The following NEMP2 variants were observed in gnomAD, a reference collection of about 807,000 sequenced individuals.
NEMP2 encodes nuclear envelope integral membrane protein 2.
In NEMP2, 53 loss-of-function variants were observed where a neutral mutation model predicts 54.2. The observed-to-expected ratio is 0.98, with a 90% confidence interval of 0.78 to 1.23. The LOEUF is 1.23. Among genes scored for constraint, NEMP2 ranks in the 50% most tolerant of loss-of-function variants. NEMP2 has a pLI of 0.00. For missense variants in NEMP2, 455 were observed against 511.3 expected (o/e 0.89, Z 1.06); for synonymous variants, 197 against 190.3 (o/e 1.04, Z -0.29).
At chr2:190,559,888 AGCTTTGCTC>A in the NEMP2 span, among the ~76,000 whole-genome samples, 1 of 152,176 alleles carries the variant, frequency 6.6e-6, no homozygotes, top group Non-Finnish European at 1.5e-5. This position sits in a 1 kb window ranked among gnomAD's most constrained non-coding sequence, Gnocchi z 4.0. Flanking sequence ...CAGAGTTGCA[AGCTTTGCTC>A]TGGGATTCAG....
At chr2:190,539,983 T>A in the NEMP2 span, among the ~76,000 whole-genome samples, 1 of 152,340 alleles carries the variant, frequency 6.6e-6, no homozygotes, top group South Asian at 2.1e-4. This position sits in a 1 kb window ranked among gnomAD's most constrained non-coding sequence, Gnocchi z 4.1. Flanking sequence ...AAAGTGGACA[T>A]CCTTGTCTTG....
At chr2:190,470,163 A>G in the NEMP2 span, among the ~76,000 whole-genome samples, 1 of 152,356 alleles carries the variant, frequency 6.6e-6, no homozygotes, top group Admixed American at 6.5e-5. Context: ...GGTGGTTTTA[A>G]GATATAAAAA....
At chr2:190,640,440 C>T in the NEMP2 span, among the ~76,000 whole-genome samples, 1 of 151,984 alleles carries the variant, frequency 6.6e-6, no homozygotes, top group African/African-American at 2.4e-5. Context: ...TGGAAAAAAC[C>T]CTTATTCTGC....
At chr2:190,518,058 T>A (rs112532150) in intron 4 of NEMP2, among the ~76,000 whole-genome samples, 3 of 152,154 alleles carry the variant, frequency 2.0e-5, no homozygotes, top group Non-Finnish European at 2.9e-5. Flanking sequence ...AGTTCATGGA[T>A]GACATTAAAC....
the NEMP2 span, among the ~76,000 whole-genome samples, chr2:190,457,111 C>T: frequency 6.6e-6 from 1 of 152,198 alleles, no homozygotes; most frequent in Non-Finnish European, 1.5e-5. The surrounding 1 kb of genome is among the most constrained non-coding windows in gnomAD (Gnocchi z 5.1). Context: ...GGTATTTCCT[C>T]AAGCCCTTGT....
chr2:190,443,873 G>C, the NEMP2 span, among the ~76,000 whole-genome samples: 1 of 152,052 alleles, frequency 6.6e-6, no homozygotes, highest in African/African-American at 2.4e-5. This position sits in a 1 kb window ranked among gnomAD's most constrained non-coding sequence, Gnocchi z 4.2. Flanking sequence ...TGGGCAACAT[G>C]GTGAGACCTT....
chr2:190,493,422 C>T, the NEMP2 span, among the ~76,000 whole-genome samples: 1 of 152,066 alleles, frequency 6.6e-6, no homozygotes, highest in Non-Finnish European at 1.5e-5. Context: ...TATACAGCAA[C>T]ACAATAATAG....
chr2:190,641,613 T>C, the NEMP2 span, among the ~76,000 whole-genome samples: 1 of 152,206 alleles, frequency 6.6e-6, no homozygotes, highest in East Asian at 1.9e-4. Context: ...GGAAGACGGT[T>C]TGAATACATT....
Position 190,514,613 on chromosome 2 carries a change from C to T in NEMP2, c.793G>A (p.Asp265Asn), listed in dbSNP as rs1053351879. 9.0e-6 allele frequency: 14 copies of T among 1,551,546 alleles called. No individual in the cohort carries two copies. The highest frequency in any genetic ancestry group is 1.2e-5 in the South Asian group (1 of 84,056). The stretch of plus-strand genomic sequence containing the variant: ...CACATCAGAAGACTTCTGCTCCTGT[C>T]GTCTGCAAGGGGCCCATGCTTGTAA... ...VCYKHGPLAD[D>N]RSRSLLMWML... is the part of the protein sequence containing the mutation. Residue 265 changes from aspartate (D) to asparagine (N), a missense_variant, in exon 7 of 9, where the codon GAC (aspartate) becomes AAC (asparagine). Physicochemically the swap from Asp to Asn is conservative, Grantham distance 23 (BLOSUM62 1). Around this residue, in one of 3 missense-constraint regions of NEMP2, gnomAD observed 294 missense variants for 333.6 expected, o/e 0.88. Transcript: ENST00000409150. The surrounding 1 kb of genome is among the most constrained non-coding windows in gnomAD (Gnocchi z 5.7).
the NEMP2 span, among the ~76,000 whole-genome samples, chr2:190,554,747 G>A: frequency 3.9e-5 from 6 of 152,340 alleles, no homozygotes; most frequent in Non-Finnish European, 7.3e-5. This position sits in a 1 kb window ranked among gnomAD's most constrained non-coding sequence, Gnocchi z 5.7. Flanking sequence ...AGACTTAAAC[G>A]TCCCTGCCTG....
the NEMP2 span, among the ~76,000 whole-genome samples, chr2:190,554,258 G>A: frequency 6.6e-6 from 1 of 152,174 alleles, no homozygotes; most frequent in Admixed American, 6.5e-5. This position sits in a 1 kb window ranked among gnomAD's most constrained non-coding sequence, Gnocchi z 5.7. Context: ...CTAGCCGCAG[G>A]AGTTTTTTTT....
the NEMP2 span, among the ~76,000 whole-genome samples, chr2:190,578,985 C>A: frequency 6.6e-6 from 1 of 152,090 alleles, no homozygotes; most frequent in Non-Finnish European, 1.5e-5. The surrounding 1 kb of genome is among the most constrained non-coding windows in gnomAD (Gnocchi z 4.4). Flanking sequence ...GGATTTTTAC[C>A]ACACCCTGAT....
the NEMP2 span, among the ~76,000 whole-genome samples, chr2:190,572,463 T>G: frequency 6.6e-6 from 1 of 152,076 alleles, no homozygotes; most frequent in Non-Finnish European, 1.5e-5. Flanking sequence ...AAATTAGTCA[T>G]GTGGCAATAA....
Position 190,529,420 on chromosome 2 carries a change from A to G in NEMP2, c.98-4042T>C, listed in dbSNP as rs561022702. On this transcript the variant is annotated intron_variant, in intron 1 of 8. Coordinates refer to ENST00000409150, the MANE Select transcript of NEMP2 (RefSeq NM_001142645.2). This position sits in a 1 kb window ranked among gnomAD's most constrained non-coding sequence, Gnocchi z 4.7. ...CATAAAGTTTCCTCAGTCTGCTGCA[A>G]CCTTCTTCTCCCAGATCTTGGCAGA... 6.6e-6 allele frequency among the ~76,000 whole-genome samples: 1 copy of G among 152,124 alleles called. No homozygotes were observed. The highest frequency in any genetic ancestry group is 2.4e-5 in the African/African-American group (1 of 41,462).
the NEMP2 span, among the ~76,000 whole-genome samples, chr2:190,631,648 T>C: frequency 6.6e-6 from 1 of 152,236 alleles, no homozygotes; most frequent in African/African-American, 2.4e-5. Flanking sequence ...TATAACCTAA[T>C]CCACAAAACC....
At chr2:190,544,002 A>G in the NEMP2 span, among the ~76,000 whole-genome samples, 2 of 152,238 alleles carry the variant, frequency 1.3e-5, no homozygotes, top group Non-Finnish European at 2.9e-5. Context: ...TAATTAAGTT[A>G]AAAGAAAATG....
chr2:190,614,223 T>A, the NEMP2 span, among the ~76,000 whole-genome samples: 1 of 152,074 alleles, frequency 6.6e-6, no homozygotes, highest in African/African-American at 2.4e-5. This position sits in a 1 kb window ranked among gnomAD's most constrained non-coding sequence, Gnocchi z 5.7. Flanking sequence ...AAGGGAGAAT[T>A]ATTATGGGGC....
At chr2:190,552,574 G>T in the NEMP2 span, among the ~76,000 whole-genome samples, 148 of 152,178 alleles carry the variant, frequency 9.7e-4, 1 homozygote, top group African/African-American at 3.5e-3. Flanking sequence ...AAGAAAAATA[G>T]CCAGGAGTGG....
chr2:190,437,814 A>G, the NEMP2 span, among the ~76,000 whole-genome samples: 1 of 152,204 alleles, frequency 6.6e-6, no homozygotes, highest in South Asian at 2.1e-4. This position sits in a 1 kb window ranked among gnomAD's most constrained non-coding sequence, Gnocchi z 5.9. Context: ...AAAGACCTAT[A>G]GGCTACCTAG....
Sources: allele counts gnomAD v4.1 joint callset (sites outside exome capture counted in the v4.1 genomes callset), GRCh38; gene constraint gnomAD v4.1.1; regional missense constraint gnomAD v4.1.1; non-coding constraint Gnocchi (gnomAD v3.1); transcripts MANE v1.5; gene names NCBI Gene and HGNC (gene_info 2026-07-23, HGNC 2026-07-21).